RNLS: variants seen among roughly 807,000 people sequenced by gnomAD.
RNLS encodes renalase, FAD dependent amine oxidase.
RNLS carries 39 observed loss-of-function variants against 39.8 expected under a neutral mutation model. The observed-to-expected ratio is 0.98, with a 90% confidence interval of 0.76 to 1.28. The LOEUF (loss-of-function observed/expected upper bound fraction) is 1.28. RNLS is among the 50% of genes most tolerant of loss of function. RNLS has a pLI of 0.00. For missense variants in RNLS, 410 were observed against 413.3 expected (o/e 0.99, Z 0.07); for synonymous variants, 147 against 150.7 (o/e 0.98, Z 0.18).
intron 4 of RNLS, among the ~76,000 whole-genome samples, chr10:88,571,457 T>C (rs1320998326): frequency 2.0e-5 from 3 of 152,230 alleles, no homozygotes; most frequent in Non-Finnish European, 2.9e-5. Flanking sequence ...ATGTCAATCA[T>C]ACTCAAAGTG....
intron 6 of RNLS, among the ~76,000 whole-genome samples, chr10:88,287,396 A>C (rs1843344240): frequency 6.6e-6 from 1 of 152,152 alleles, no homozygotes; most frequent in Non-Finnish European, 1.5e-5. Context: ...TGAAGCACAG[A>C]CTTGGGTGAT....
At chr10:88,228,650 C>T in the RNLS span, among the ~76,000 whole-genome samples, 1 of 152,192 alleles carries the variant, frequency 6.6e-6, no homozygotes, top group African/African-American at 2.4e-5. Flanking sequence ...CTGGTTTTTG[C>T]CACAATCACT....
At position 88,379,922 on chromosome 10, in the gene RNLS, C is replaced by T. The variant is rs371944527; in HGVS notation, c.527-17197G>A. On this transcript the variant is annotated intron_variant, in intron 4 of 6. Transcript: ENST00000331772. ...TGAAGATGGCTCCTGAAGGTATCAG[C>T]CCCCCGCTGTCCAGTCACCTCCCAG... 3.3e-5 allele frequency among the ~76,000 whole-genome samples: 5 copies of T among 152,234 alleles called. 1 individual carries two copies. The highest frequency in any genetic ancestry group is 7.2e-5 in the African/African-American group (3 of 41,524).
At chr10:88,485,722 C>T (rs1202749534) in intron 4 of RNLS, among the ~76,000 whole-genome samples, 4 of 147,698 alleles carry the variant, frequency 2.7e-5, no homozygotes, top group African/African-American at 5.0e-5. Context: ...TATTCTTTTT[C>T]TGGTATGAGC....
chr10:88,386,303 T>C (rs1208461316), intron 4 of RNLS, among the ~76,000 whole-genome samples: 1 of 152,220 alleles, frequency 6.6e-6, no homozygotes, highest in African/African-American at 2.4e-5. Flanking sequence ...GAGAGTATTT[T>C]TTTTTCCTTG....
At chr10:88,500,761 CA>C (rs1366124137) in intron 4 of RNLS, among the ~76,000 whole-genome samples, 2 of 152,012 alleles carry the variant, frequency 1.3e-5, no homozygotes, top group African/African-American at 4.8e-5. Context: ...TCATCCTCTC[CA>C]AAAAGTTTGG....
the RNLS span, among the ~76,000 whole-genome samples, chr10:88,262,010 G>C: frequency 6.6e-6 from 1 of 152,144 alleles, no homozygotes; most frequent in Non-Finnish European, 1.5e-5. Context: ...ATAGGGTGAA[G>C]AATAAGGAGA....
At chr10:88,446,408 G>C (rs1842039253) in intron 4 of RNLS, among the ~76,000 whole-genome samples, 1 of 152,122 alleles carries the variant, frequency 6.6e-6, no homozygotes, top group South Asian at 2.1e-4. Flanking sequence ...AAGAGAACTA[G>C]AGAAGCAAGA....
At chr10:88,501,280 C>T (rs1387217292) in intron 4 of RNLS, among the ~76,000 whole-genome samples, 1 of 152,086 alleles carries the variant, frequency 6.6e-6, no homozygotes, top group Admixed American at 6.6e-5. Flanking sequence ...ATAATTTAGT[C>T]ATTATCTGTG....
At chr10:88,180,639 G>T in the RNLS span, among the ~76,000 whole-genome samples, 1 of 152,160 alleles carries the variant, frequency 6.6e-6, no homozygotes, top group Non-Finnish European at 1.5e-5. Flanking sequence ...AAAAATATAT[G>T]TTAATCTAAA....
intron 6 of RNLS, among the ~76,000 whole-genome samples, chr10:88,292,448 C>T (rs1386175348): frequency 2.6e-5 from 4 of 151,678 alleles, no homozygotes; most frequent in African/African-American, 7.3e-5. Flanking sequence ...TCACATTTAG[C>T]AAGGCTTTAT....
At chr10:88,555,125 G>A (rs1848794646) in intron 4 of RNLS, among the ~76,000 whole-genome samples, 1 of 151,458 alleles carries the variant, frequency 6.6e-6, no homozygotes, top group Admixed American at 6.6e-5. Context: ...GAGAGGGGAG[G>A]ATTAGAAAAA....
At chr10:88,548,287 AAAAAAAGAAAAG>A (rs1848433084) in intron 4 of RNLS, among the ~76,000 whole-genome samples, 2 of 134,356 alleles carry the variant, frequency 1.5e-5, no homozygotes, top group South Asian at 2.4e-4. Flanking sequence ...AAAAAAAAAA[AAAAAAAGAAAAG>A]AAAAAAGAAA....
At chr10:88,393,152 T>G (rs1229579391) in intron 4 of RNLS, among the ~76,000 whole-genome samples, 3 of 152,056 alleles carry the variant, frequency 2.0e-5, no homozygotes, top group African/African-American at 7.2e-5. Flanking sequence ...TGCCCTCTCT[T>G]ACCACTCCTA....
chr10:88,324,941 C>A (rs1032905535), intron 5 of RNLS, among the ~76,000 whole-genome samples: 1 of 152,160 alleles, frequency 6.6e-6, no homozygotes, highest in Non-Finnish European at 1.5e-5. Context: ...AGCATGATGT[C>A]CTCAAAGTTC....
chr10:88,575,402 T>C (rs893282533), intron 3 of RNLS, among the ~76,000 whole-genome samples: 3 of 151,520 alleles, frequency 2.0e-5, no homozygotes, highest in African/African-American at 7.3e-5. Context: ...ACTCTGGGAA[T>C]TGAGCCTCGC....
the RNLS span, among the ~76,000 whole-genome samples, chr10:88,244,478 C>T: frequency 2.0e-5 from 3 of 152,304 alleles, no homozygotes; most frequent in Admixed American, 2.0e-4. Context: ...TGAGTTAGAT[C>T]ACAATGATTT....
At chr10:88,173,170 G>T in the RNLS span, among the ~76,000 whole-genome samples, 1 of 151,946 alleles carries the variant, frequency 6.6e-6, no homozygotes, top group East Asian at 1.9e-4. Flanking sequence ...GTGGATTTTT[G>T]TATATGGTGA....
chr10:88,357,372 G>A (rs1849271441), intron 5 of RNLS, among the ~76,000 whole-genome samples: 1 of 152,146 alleles, frequency 6.6e-6, no homozygotes, highest in Admixed American at 6.5e-5. Context: ...TTCTTGAGAG[G>A]TAAATGTATC....
Sources: gnomAD v4.1 joint callset for allele counts (sites outside exome capture counted in the v4.1 genomes callset) on GRCh38, gnomAD v4.1.1 for gene constraint, MANE v1.5 for transcripts, NCBI Gene and HGNC (gene_info 2026-07-23, HGNC 2026-07-21) for gene names.